The following CENPP variants were observed in gnomAD, a reference collection of about 807,000 sequenced individuals.
CENPP encodes the protein centromere protein P.
In CENPP, 24 loss-of-function variants were observed where a neutral mutation model predicts 35.6. That is an observed-to-expected ratio of 0.67 (90% CI 0.49 to 0.95). The LOEUF (loss-of-function observed/expected upper bound fraction) is 0.95, where lower values mean the gene tolerates loss of function less well. Ranked by LOEUF, CENPP falls within the 40% of genes least tolerant of loss-of-function variation. The pLI is 0.00. For synonymous variants in CENPP, 120 were observed against 125.5 expected, an observed-to-expected ratio of 0.96 and a Z score of 0.29; for missense variants, 332 against 345.3, an observed-to-expected ratio of 0.96 and a Z score of 0.31.
At chr9:92,375,485 A>G (rs551868439) in intron 4 of CENPP, among the ~76,000 whole-genome samples, 73 of 151,564 alleles carry the variant, frequency 4.8e-4, no homozygotes, top group Non-Finnish European at 1.0e-3. Flanking sequence ...TTTAATAGAG[A>G]TGGGGTTTCA....
intron 5 of CENPP, among the ~76,000 whole-genome samples, chr9:92,381,528 C>T (rs1842245051): frequency 6.6e-6 from 1 of 152,184 alleles, no homozygotes; most frequent in African/African-American, 2.4e-5. Context: ...AAGCAATTGA[C>T]CTATCTTGGC....
chr9:92,385,565 T>G, intron 5 of CENPP: 50 of 1,476,008 alleles, frequency 3.4e-5, no homozygotes, highest in Non-Finnish European at 4.4e-5. Flanking sequence ...TACTCATTGT[T>G]GAGACAGACT....
At chr9:92,337,331 A>AT (rs1840962793) in intron 2 of CENPP, among the ~76,000 whole-genome samples, 1 of 152,120 alleles carries the variant, frequency 6.6e-6, no homozygotes, top group Non-Finnish European at 1.5e-5. Flanking sequence ...AAAAAAAAAA[A>AT]GAAAACTAGA....
rs3802382 is a variant in CENPP at position 92,614,770 on chromosome 9, C to G, written c.*1621C>G. The G allele has an allele frequency of 9.2e-5, 14 of 152,716 alleles. No individual in the cohort carries two copies. The East Asian group carries it at 2.7e-3, about 29-fold the overall frequency. 9.5% of individuals were successfully genotyped at this position (152,716 alleles called of 1,614,324 possible). A position where few individuals can be genotyped will look rare whatever the true frequency, so the allele number is the denominator to read the frequency against. On this transcript the variant is annotated 3_prime_UTR_variant, in exon 8 of 8. Transcript: ENST00000375587. ...CCTAGCATAGAATAAAAAACTGAAA[C>G]CAAGATTCCCAACGTTTTTCATAGC...
At chr9:92,379,291 G>A (rs1842192746) in intron 4 of CENPP, among the ~76,000 whole-genome samples, 1 of 152,154 alleles carries the variant, frequency 6.6e-6, no homozygotes, top group Non-Finnish European at 1.5e-5. Flanking sequence ...CAAATGATGT[G>A]TTTGGTGATG....
Position 92,573,876 on chromosome 9 carries a change from G to A in CENPP, c.565-37438G>A, listed in dbSNP as rs577676617. Among the ~76,000 whole-genome samples, 8 of 152,332 alleles carry A rather than the reference G, an allele frequency of 5.3e-5. 1 individual carries two copies. In the East Asian group the frequency reaches 1.5e-3, roughly 29 times the overall value. On this transcript the variant is annotated intron_variant, in intron 5 of 7. Coordinates refer to ENST00000375587, the MANE Select transcript of CENPP (RefSeq NM_001012267.3). ...CTGTGCTAGCAGTGAGCGAGGCTTCGTGGGCATGGAACCCTCTGAGCCAGG... is the reference window on the plus strand; with the variant it reads ...CTGTGCTAGCAGTGAGCGAGGCTTCATGGGCATGGAACCCTCTGAGCCAGG...
intron 5 of CENPP, among the ~76,000 whole-genome samples, chr9:92,584,001 C>T (rs1209843192): frequency 1.3e-5 from 2 of 152,118 alleles, no homozygotes; most frequent in Non-Finnish European, 2.9e-5. Flanking sequence ...CATTACAAGC[C>T]CCATGCAAGC....
In CENPP at chr9:92,476,078, T is replaced by G. The variant is rs1354416032; in HGVS notation, c.564+96219T>G. 2.6e-5 allele frequency among the ~76,000 whole-genome samples: 4 copies of G among 152,204 alleles called. No homozygotes were observed. Among genetic ancestry groups the G allele is most frequent in the African/African-American group, 9.6e-5 (4 of 41,452 alleles). ...GATGCTCACTGGTGAAACTGAGTCC[T>G]GGCAGGAGGGCATCCACTCACCACC... On this transcript the variant is annotated intron_variant, in intron 5 of 7. Transcript: ENST00000375587. This position sits in a 1 kb window ranked among gnomAD's most constrained non-coding sequence, Gnocchi z 4.1.
intron 5 of CENPP, among the ~76,000 whole-genome samples, chr9:92,420,763 T>C (rs1328630500): frequency 6.6e-6 from 1 of 152,228 alleles, no homozygotes; most frequent in Non-Finnish European, 1.5e-5. Context: ...TTTTGTTTTT[T>C]TTTTAACAAT....
In CENPP at chr9:92,327,909, A is replaced by G. The variant is rs1588026251; in HGVS notation, c.107+1804A>G. 5.9e-5 allele frequency among the ~76,000 whole-genome samples: 9 copies of G among 152,160 alleles called. No individual in the cohort carries two copies. In the South Asian group the frequency reaches 1.9e-3, roughly 32 times the overall value. On this transcript the variant is annotated intron_variant, in intron 1 of 7. Transcript: ENST00000375587. ...CCTTAGGTCTTGTTTATAATTTGGT[A>G]TCTTATTGCCACAGAGTCCGTTCTG...
chr9:92,390,072 T>C (rs755806011), intron 5 of CENPP: 2 of 1,427,880 alleles, frequency 1.4e-6, no homozygotes, highest in South Asian at 2.5e-5. Context: ...GGGAAAAAAA[T>C]ATAAAAAACA....
At chr9:92,517,993 T>G (rs532325105) in intron 5 of CENPP, 3 of 1,171,098 alleles carry the variant, frequency 2.6e-6, no homozygotes, top group Non-Finnish European at 3.6e-6. Context: ...GAATTCTATG[T>G]GCATTCATGT....
intron 4 of CENPP, among the ~76,000 whole-genome samples, chr9:92,349,452 G>A (rs1353342783): frequency 2.7e-5 from 4 of 149,684 alleles, no homozygotes; most frequent in Admixed American, 6.7e-5. Context: ...TCACCAGGCT[G>A]GAGTGCTGTA....
chr9:92,560,443 T>C (rs1306716527), intron 5 of CENPP, among the ~76,000 whole-genome samples: 3 of 152,174 alleles, frequency 2.0e-5, no homozygotes, highest in Non-Finnish European at 4.4e-5. Flanking sequence ...CCAAAGCTGA[T>C]TGCAAAGTCT....
At chr9:92,428,198 T>C (rs1416934099) in intron 5 of CENPP, among the ~76,000 whole-genome samples, 1 of 152,174 alleles carries the variant, frequency 6.6e-6, no homozygotes, top group East Asian at 1.9e-4. Context: ...TCACAGGCTT[T>C]CTTGGCCATC....
At chr9:92,393,273 T>C (rs1012078763) in intron 5 of CENPP, 4 of 1,550,416 alleles carry the variant, frequency 2.6e-6, no homozygotes, top group Non-Finnish European at 3.5e-6. Context: ...CATAAAAATA[T>C]GAACAATCGT....
intron 3 of CENPP, among the ~76,000 whole-genome samples, chr9:92,345,394 A>G (rs938110836): frequency 8.6e-5 from 13 of 150,968 alleles, no homozygotes; most frequent in Admixed American, 2.6e-4. Context: ...GGGGAGAATG[A>G]GGCAGAAGAA....
chr9:92,516,821 A>G (rs1847755149), intron 5 of CENPP: 1 of 152,212 alleles, frequency 6.6e-6, no homozygotes, highest in Admixed American at 6.5e-5. Flanking sequence ...ATAACGCAAA[A>G]CACAATTTCT....
intron 5 of CENPP, chr9:92,600,366 A>C (rs1850879372): frequency 6.4e-7 from 1 of 1,566,160 alleles, no homozygotes; most frequent in Admixed American, 2.0e-5. Flanking sequence ...TAAAAATGCC[A>C]TTGGGATATA....
Sources: allele counts gnomAD v4.1 joint callset (sites outside exome capture counted in the v4.1 genomes callset), GRCh38; gene constraint gnomAD v4.1.1; non-coding constraint Gnocchi (gnomAD v3.1); transcripts MANE v1.5; gene names NCBI Gene and HGNC (gene_info 2026-07-23, HGNC 2026-07-21).